Variants in C5orf34 observed in about 807,000 individuals in gnomAD.
The protein encoded by C5orf34 is uncharacterized protein C5orf34.
In C5orf34, 73 loss-of-function variants were observed where a neutral mutation model predicts 78.4. The ratio of observed to expected loss-of-function variants is 0.93; its 90% CI spans 0.77 to 1.13. The LOEUF (loss-of-function observed/expected upper bound fraction) is 1.13. Ranked by LOEUF, C5orf34 falls within the 50% of genes most tolerant of loss-of-function variation. The pLI, the probability that C5orf34 is intolerant of heterozygous loss-of-function variation, is 0.00. For missense variants in C5orf34, 730 were observed against 732.7 expected, an observed-to-expected ratio of 1.00 and a Z score of 0.04; for synonymous variants, 251 against 246.6, an observed-to-expected ratio of 1.02 and a Z score of -0.17.
intron 1 of C5orf34, among the ~76,000 whole-genome samples, chr5:43,511,565 G>A (rs913531169): frequency 3.9e-5 from 6 of 152,234 alleles, no homozygotes; most frequent in African/African-American, 7.2e-5. Flanking sequence ...CCATGATGAC[G>A]ATGGCGGTTT....
intron 2 of C5orf34, among the ~76,000 whole-genome samples, chr5:43,508,869 G>C (rs1746101632): frequency 6.6e-6 from 1 of 152,196 alleles, no homozygotes; most frequent in African/African-American, 2.4e-5. Context: ...CAAGATGGGA[G>C]GATTACTTGA....
In C5orf34 at chr5:43,495,035, C is replaced by G. The variant is rs574939258; in HGVS notation, c.1153-434G>C. On this transcript the variant is annotated intron_variant, in intron 6 of 12. Coordinates refer to ENST00000306862, the MANE Select transcript of C5orf34 (RefSeq NM_198566.4). ...CAGTTCTGAGACCATTCTTCCACCA[C>G]TGATTAAGAGTTGGGTGGCAGGTAT... 4.2e-5 allele frequency: 59 copies of G among 1,417,744 alleles called. No individual in the cohort carries two copies. In the African/African-American group the frequency reaches 8.3e-4, roughly 20 times the overall value. 87.8% of individuals were successfully genotyped at this position (1,417,744 alleles called of 1,614,324 possible). A position where few individuals can be genotyped will look rare whatever the true frequency, so the allele number is the denominator to read the frequency against.
At chr5:43,494,704 A>T (rs1745425043) in intron 6 of C5orf34, 103 bp from the exon 7 acceptor site, 1 of 569,464 alleles carries the variant, frequency 1.8e-6, no homozygotes, top group Admixed American at 3.2e-5. Flanking sequence ...TGACAAGACG[A>T]GTAGTTATTT....
Position 43,490,665 on chromosome 5 carries a change from T to C in C5orf34, c.1645A>G (p.Thr549Ala). 1 of 1,611,316 alleles carries C rather than the reference T, an allele frequency of 6.2e-7. No individual in the cohort carries two copies. The highest frequency in any genetic ancestry group is 8.5e-7 in the Non-Finnish European group (1 of 1,177,770). ...LTQTSPREMP[T>A]HSSSSVLQEN... is the part of the protein sequence containing the mutation. Reference sequence around the variant, plus strand: ...TGGAGAACAGAAGATGACGAATGAGTGGGCATCTCTCTGGGACTAGTCTGG... The same window carrying C: ...TGGAGAACAGAAGATGACGAATGAGCGGGCATCTCTCTGGGACTAGTCTGG... The change falls in exon 11 of 13, where the codon ACT (threonine) becomes GCT (alanine). Residue 549 changes from threonine to alanine, a missense_variant. Coordinates refer to ENST00000306862, the MANE Select transcript of C5orf34 (RefSeq NM_198566.4).
At position 43,505,784 on chromosome 5, in the gene C5orf34, G is replaced by A. The variant is rs1745956580; in HGVS notation, c.896C>T (p.Ala299Val). 1.9e-6 allele frequency: 3 copies of A among 1,599,144 alleles called. No individual in the cohort carries two copies. The highest frequency in any genetic ancestry group is 1.7e-6 in the Non-Finnish European group (2 of 1,172,200). ...TGGGACTGGACAGCTGAGTGACAGG[G>A]CCCTGGGAAGAACAGAAACCACTTT... ...RGKVVSVLPR[A>V]LSLSCPVPHL... The change falls in exon 4 of 13, where the codon GCC (alanine) becomes GTC (valine). Residue 299 changes from alanine to valine, a missense_variant. Ala to Val is a moderately conservative substitution (Grantham distance 64). Transcript: ENST00000306862.
chr5:43,502,037 T>G (rs1745778981), intron 6 of C5orf34, among the ~76,000 whole-genome samples: 1 of 152,214 alleles, frequency 6.6e-6, no homozygotes, highest in African/African-American at 2.4e-5. Flanking sequence ...AAGAATGTGC[T>G]TTTGCTTTTT....
At chr5:43,512,026 T>TAAA (rs11299417) in intron 1 of C5orf34, among the ~76,000 whole-genome samples, 1 of 119,578 alleles carries the variant, frequency 8.4e-6, no homozygotes. Flanking sequence ...AATGATCAAC[T>TAAA]AAAAAAAAAA....
chr5:43,509,419 T>A (rs1746129590), intron 1 of C5orf34, 44 bp from the exon 2 acceptor site: 2 of 1,159,068 alleles, frequency 1.7e-6, no homozygotes, highest in East Asian at 2.6e-5. Context: ...GTTCTCTTAA[T>A]GTACAAAACT....
intron 6 of C5orf34, chr5:43,494,948 C>G (rs573719034): frequency 1.3e-6 from 1 of 794,820 alleles, no homozygotes. Context: ...GAAGGTTTTA[C>G]GATGCATTGT....
At chr5:43,513,298 G>A (rs866622881) in intron 1 of C5orf34, among the ~76,000 whole-genome samples, 14 of 152,026 alleles carry the variant, frequency 9.2e-5, no homozygotes, top group Middle Eastern at 6.8e-3. Context: ...CTGCTAGACC[G>A]CTCTCTATGT....
At chr5:43,494,688 C>A in intron 6 of C5orf34, 87 bp from the exon 7 acceptor site, 1 of 651,912 alleles carries the variant, frequency 1.5e-6, no homozygotes, top group Non-Finnish European at 2.6e-6. Context: ...TATGTTTTTA[C>A]AATAGTGACA....
chr5:43,512,489 C>T (rs1347641627), intron 1 of C5orf34, among the ~76,000 whole-genome samples: 2 of 152,210 alleles, frequency 1.3e-5, no homozygotes, highest in Non-Finnish European at 2.9e-5. Flanking sequence ...CCAATGTCTT[C>T]TTATACCCAA....
intron 11 of C5orf34, 83 bp from the exon 12 acceptor site, chr5:43,488,032 T>G: frequency 9.7e-7 from 1 of 1,030,640 alleles, no homozygotes; most frequent in East Asian, 2.5e-5. Flanking sequence ...ACCTGACTTT[T>G]TTTTTCATTA....
intron 10 of C5orf34, among the ~76,000 whole-genome samples, chr5:43,491,894 C>T (rs1328442551): frequency 3.3e-5 from 5 of 151,680 alleles, no homozygotes; most frequent in Non-Finnish European, 7.4e-5. Context: ...ATCCCAGCTA[C>T]TCAGGAGGCT....
Position 43,506,190 on chromosome 5 carries a change from T to C in C5orf34, c.490A>G (p.Thr164Ala), listed in dbSNP as rs1745977613. Residue 164 changes from threonine to alanine, a missense_variant, in exon 4 of 13, where the codon ACA (threonine) becomes GCA (alanine). Coordinates refer to ENST00000306862, the MANE Select transcript of C5orf34 (RefSeq NM_198566.4). ...KSDSSAVLSE[T>A]NNKAPKDKLV... The stretch of plus-strand genomic sequence containing the variant: ...TTATCTTTTGGGGCTTTATTATTTG[T>C]TTCTGACAACACTGCAGATGAGTCT... The C allele has an allele frequency of 6.2e-7, 1 of 1,614,204 alleles. No individual in the cohort carries two copies. Among genetic ancestry groups the C allele is most frequent in the Non-Finnish European group, 8.5e-7 (1 of 1,180,040 alleles).
At chr5:43,513,906 C>T (rs1746376889) in intron 1 of C5orf34, among the ~76,000 whole-genome samples, 1 of 152,052 alleles carries the variant, frequency 6.6e-6, no homozygotes, top group Admixed American at 6.6e-5. Flanking sequence ...TTATTTTCTC[C>T]CACTAGGATA....
At position 43,486,716 on chromosome 5, in the gene C5orf34, C is replaced by T. The variant is rs923153728; in HGVS notation, c.*199G>A. On this transcript the variant is annotated 3_prime_UTR_variant, in exon 13 of 13. Coordinates refer to ENST00000306862, the MANE Select transcript of C5orf34 (RefSeq NM_198566.4). Reference sequence around the variant, plus strand: ...ATTAAATGTGAAACGTTCAAAACTTCGAAATATTTATTATTAAGATATAAA... The same window carrying T: ...ATTAAATGTGAAACGTTCAAAACTTTGAAATATTTATTATTAAGATATAAA... The T allele has an allele frequency of 4.3e-5, 14 of 322,354 alleles. No homozygotes were observed. The highest frequency in any genetic ancestry group is 6.4e-5 in the African/African-American group (3 of 46,972). The allele number at this position is 322,354 out of a possible 1,614,324, so 20.0% of individuals were successfully genotyped here.
chr5:43,503,172 T>A (rs1438298924), intron 5 of C5orf34, among the ~76,000 whole-genome samples: 1 of 152,208 alleles, frequency 6.6e-6, no homozygotes, highest in East Asian at 1.9e-4. Flanking sequence ...TTCTAGTCAC[T>A]AGAAGGGTGT....
At chr5:43,507,168 TCTGA>T (rs1158335750) in intron 3 of C5orf34, among the ~76,000 whole-genome samples, 7 of 152,186 alleles carry the variant, frequency 4.6e-5, no homozygotes, top group Admixed American at 3.9e-4. Context: ...AAAAATTGAT[TCTGA>T]CTAATAAAAG....
Sources: gnomAD v4.1 joint callset for allele counts (sites outside exome capture counted in the v4.1 genomes callset) on GRCh38, gnomAD v4.1.1 for gene constraint, MANE v1.5 for transcripts, NCBI Gene and HGNC (gene_info 2026-07-23, HGNC 2026-07-21) for gene names.